HAPSTR1: variants seen among roughly 807,000 people sequenced by gnomAD.
HAPSTR1 encodes HUWE1 associated protein modifying stress responses.
At chr16:9,115,026 C>G in the HAPSTR1 span, among the ~76,000 whole-genome samples, 18 of 152,050 alleles carry the variant, frequency 1.2e-4, no homozygotes, top group African/African-American at 4.3e-4. Flanking sequence ...GGGAGAGCAG[C>G]CAGGGGGATT....
the HAPSTR1 span, among the ~76,000 whole-genome samples, chr16:9,097,839 C>T: frequency 6.6e-6 from 1 of 152,224 alleles, no homozygotes; most frequent in African/African-American, 2.4e-5. Context: ...ATAACGGGGT[C>T]ACTTGCTTAC....
chr16:9,092,551 C>T, the HAPSTR1 span, among the ~76,000 whole-genome samples: 2 of 152,266 alleles, frequency 1.3e-5, no homozygotes, highest in East Asian at 1.9e-4. Context: ...GTGTCCCCCT[C>T]GGCCCGGAGA....
chr16:9,095,456 A>T, the HAPSTR1 span, among the ~76,000 whole-genome samples: 1 of 152,078 alleles, frequency 6.6e-6, no homozygotes, highest in African/African-American at 2.4e-5. Context: ...GGGGGGAAAA[A>T]TTTGGTGGAT....
chr16:9,120,816 T>C, the HAPSTR1 span: 1 of 151,866 alleles, frequency 6.6e-6, no homozygotes, highest in South Asian at 2.1e-4. Flanking sequence ...TAGCTGGTAT[T>C]ACAGGTGCCT....
the HAPSTR1 span, chr16:9,102,935 G>T: frequency 6.4e-7 from 1 of 1,572,192 alleles, no homozygotes; most frequent in Non-Finnish European, 8.7e-7. Flanking sequence ...AAGGGAATAC[G>T]GGCTCTAATG....
chr16:9,114,522 G>A, the HAPSTR1 span, among the ~76,000 whole-genome samples: 1 of 152,304 alleles, frequency 6.6e-6, no homozygotes, highest in East Asian at 1.9e-4. Context: ...TGTTGGAAGA[G>A]ACAGATAGTT....
the HAPSTR1 span, chr16:9,121,613 A>G: frequency 4.6e-5 from 7 of 152,254 alleles, no homozygotes; most frequent in African/African-American, 1.4e-4. Context: ...GAAAACATAG[A>G]AAAATAAATT....
the HAPSTR1 span, among the ~76,000 whole-genome samples, chr16:9,102,300 A>AT: frequency 2.6e-5 from 2 of 76,780 alleles, no homozygotes; most frequent in South Asian, 3.0e-4. Flanking sequence ...AAATTTTCAA[A>AT]TTTTTTTTCA....
At chr16:9,102,004 C>T in the HAPSTR1 span, among the ~76,000 whole-genome samples, 6 of 152,068 alleles carry the variant, frequency 3.9e-5, no homozygotes, top group South Asian at 1.2e-3. Flanking sequence ...GCCTGTAATC[C>T]CAGCTACTCA....
chr16:9,093,177 C>A, the HAPSTR1 span, among the ~76,000 whole-genome samples: 1 of 152,132 alleles, frequency 6.6e-6, no homozygotes, highest in African/African-American at 2.4e-5. Context: ...ATTTTGACAC[C>A]TCCCTCCGCC....
chr16:9,113,786 C>G, the HAPSTR1 span, among the ~76,000 whole-genome samples: 6,616 of 152,232 alleles, frequency 0.043, 488 homozygotes, highest in African/African-American at 0.15. Flanking sequence ...ACATCTCTCC[C>G]CTCAAGTTTA....
the HAPSTR1 span, chr16:9,092,027 C>T: frequency 2.0e-6 from 3 of 1,493,006 alleles, no homozygotes; most frequent in Non-Finnish European, 2.7e-6. Context: ...GCGGCGAGGC[C>T]GCGGGAGGCC....
At chr16:9,094,514 A>G in the HAPSTR1 span, among the ~76,000 whole-genome samples, 7 of 151,952 alleles carry the variant, frequency 4.6e-5, no homozygotes, top group Non-Finnish European at 1.0e-4. Flanking sequence ...AGTAGAATAT[A>G]TCTATCACCC....
chr16:9,091,742 G>C, the HAPSTR1 span: 12 of 399,332 alleles, frequency 3.0e-5, no homozygotes, highest in African/African-American at 6.2e-5. Flanking sequence ...AGCGCCATGG[G>C]GGGGCGTTAG....
the HAPSTR1 span, among the ~76,000 whole-genome samples, chr16:9,116,341 C>G: frequency 6.6e-6 from 1 of 152,196 alleles, no homozygotes; most frequent in African/African-American, 2.4e-5. Context: ...GTCTCCTGTC[C>G]TTATCTGTAA....
At chr16:9,112,109 G>C in the HAPSTR1 span, 9 of 152,084 alleles carry the variant, frequency 5.9e-5, no homozygotes, top group Admixed American at 5.9e-4. Context: ...TTACAGATTG[G>C]GGTGGGGAGT....
the HAPSTR1 span, chr16:9,118,203 T>C: frequency 3.9e-5 from 6 of 152,634 alleles, no homozygotes; most frequent in African/African-American, 1.4e-4. Flanking sequence ...GGTACTGTAA[T>C]TTATTCTATC....
At chr16:9,113,249 A>G in the HAPSTR1 span, 1 of 152,174 alleles carries the variant, frequency 6.6e-6, no homozygotes. Flanking sequence ...AAGATTAGGT[A>G]GGCAGACTTT....
the HAPSTR1 span, among the ~76,000 whole-genome samples, chr16:9,098,594 C>T: frequency 6.6e-6 from 1 of 152,118 alleles, no homozygotes; most frequent in Non-Finnish European, 1.5e-5. Flanking sequence ...GAGAGGTTCT[C>T]TTGAGATCTT....
Sources: allele counts gnomAD v4.1 joint callset (sites outside exome capture counted in the v4.1 genomes callset), GRCh38; gene constraint gnomAD v4.1.1; transcripts MANE v1.5; gene names NCBI Gene and HGNC (gene_info 2026-07-23, HGNC 2026-07-21).